The following ADGRF5 variants were observed in gnomAD, a reference collection of about 807,000 sequenced individuals.
ADGRF5 encodes adhesion G protein-coupled receptor F5.
ADGRF5 carries 75 observed loss-of-function variants against 132.3 expected under a neutral mutation model. The ratio of observed to expected loss-of-function variants is 0.57; its 90% CI spans 0.47 to 0.69. ADGRF5 has a LOEUF of 0.69. ADGRF5 is among the 30% of genes least tolerant of loss of function. The pLI, the probability that ADGRF5 is intolerant of heterozygous loss-of-function variation, is 0.00. For synonymous variants in ADGRF5, 629 were observed against 597.6 expected (o/e 1.05, Z -0.77); for missense variants, 1,516 against 1,630.6 (o/e 0.93, Z 1.21).
chr6:46,855,074 GATGATGGC>G lies in ADGRF5; in HGVS notation c.3961+892_3961+899del, dbSNP rs1768883392. 2.6e-5 allele frequency among the ~76,000 whole-genome samples: 4 copies of G among 152,316 alleles called. No individual in the cohort carries two copies. The South Asian group carries it at 8.3e-4, about 32-fold the overall frequency. The stretch of plus-strand genomic sequence containing the variant: ...GGGGCTTATTTTCCTGTGAGGAAGG[GATGATGGC>G]ATGGGGACAGGGGTTTCAATTTGCT... On this transcript the variant is annotated intron_variant, in intron 20 of 20. Coordinates refer to ENST00000283296, the MANE Select transcript of ADGRF5 (RefSeq NM_001098518.2).
intron 1 of ADGRF5, among the ~76,000 whole-genome samples, chr6:46,919,395 G>A (rs1031735753): frequency 3.3e-5 from 5 of 152,196 alleles, no homozygotes; most frequent in African/African-American, 1.2e-4. Context: ...CTGTGACATG[G>A]TGAAAGAAGA....
At chr6:46,874,939 C>T (rs1427532133) in intron 10 of ADGRF5, among the ~76,000 whole-genome samples, 1 of 152,188 alleles carries the variant, frequency 6.6e-6, no homozygotes, top group Non-Finnish European at 1.5e-5. Context: ...GATGCTGCTA[C>T]ATATCCTACA....
At chr6:46,893,805 C>T (rs904659286) in intron 3 of ADGRF5, among the ~76,000 whole-genome samples, 1 of 152,148 alleles carries the variant, frequency 6.6e-6, no homozygotes, top group South Asian at 2.1e-4. Context: ...CAGACAGAGG[C>T]CTATCAGCAG....
intron 1 of ADGRF5, among the ~76,000 whole-genome samples, chr6:46,917,794 T>C (rs1776556592): frequency 6.6e-6 from 1 of 152,164 alleles, no homozygotes; most frequent in African/African-American, 2.4e-5. Context: ...AAATACCTAA[T>C]GTAAATGAGG....
In ADGRF5 at chr6:46,858,859, A is replaced by G. The variant is rs755242088; in HGVS notation, c.3044T>C (p.Ile1015Thr). Residue 1015 changes from isoleucine (I) to threonine (T), a missense_variant, in exon 17 of 21, where the codon ATT (isoleucine) becomes ACT (threonine). Coordinates refer to ENST00000283296, the MANE Select transcript of ADGRF5 (RefSeq NM_001098518.2). ...GGAAAAGCCCACCCCAACATAAGAA[A>G]TAATATCCAGGAGTATTCCCAGGAG... ...SSLLGILLDIISYVGVGFSIL... is the reference protein window; with the variant it reads ...SSLLGILLDITSYVGVGFSIL... The G allele has an allele frequency of 2.5e-6, 4 of 1,613,990 alleles. No individual in the cohort carries two copies. The East Asian group carries it at 6.7e-5, about 27-fold the overall frequency.
intron 2 of ADGRF5, 126 bp from the exon 3 acceptor site, chr6:46,900,209 G>A: frequency 1.4e-6 from 1 of 714,796 alleles, no homozygotes; most frequent in Non-Finnish European, 2.5e-6. Context: ...TTAGCACCAT[G>A]TGTCCCGTGG....
rs761989404 is a variant in ADGRF5 at position 46,888,459 on chromosome 6, C to T, written c.204G>A (p.Glu68=). 3 of 1,613,206 alleles carry T rather than the reference C, an allele frequency of 1.9e-6. No individual in the cohort carries two copies. The East Asian group carries it at 6.7e-5, about 36-fold the overall frequency. ...PTAEEYTVNI[E]ISFENASFLD... Reference sequence around the variant, plus strand: ...GGAAGGATGCATTTTCAAAACTGATCTCAATATTAACAGTGTATTCTTCAG... The same window carrying T: ...GGAAGGATGCATTTTCAAAACTGATTTCAATATTAACAGTGTATTCTTCAG... Residue 68 remains glutamate, a synonymous_variant, in exon 4 of 21, where the codon GAG becomes GAA. Coordinates refer to ENST00000283296, the MANE Select transcript of ADGRF5 (RefSeq NM_001098518.2).
chr6:46,891,426 A>G (rs1773625384), intron 3 of ADGRF5, among the ~76,000 whole-genome samples: 1 of 152,240 alleles, frequency 6.6e-6, no homozygotes, highest in Admixed American at 6.5e-5. Flanking sequence ...CTGAAAAGTA[A>G]TGCAGCAACG....
chr6:46,902,601 G>A (rs953080986), intron 2 of ADGRF5, among the ~76,000 whole-genome samples: 3 of 152,192 alleles, frequency 2.0e-5, no homozygotes, highest in Admixed American at 6.5e-5. Flanking sequence ...CGCATCCATT[G>A]ACATGAGGCC....
At chr6:46,869,600 T>C (rs1377146015) in intron 11 of ADGRF5, among the ~76,000 whole-genome samples, 1 of 152,200 alleles carries the variant, frequency 6.6e-6, no homozygotes, top group Non-Finnish European at 1.5e-5. Flanking sequence ...ACCTGTAGCC[T>C]CTGTGTCTTT....
At chr6:46,867,875 T>G (rs575437113) in intron 12 of ADGRF5, among the ~76,000 whole-genome samples, 1 of 152,274 alleles carries the variant, frequency 6.6e-6, no homozygotes, top group East Asian at 1.9e-4. Context: ...TTTCAATAAC[T>G]GATTATGGGA....
upstream of ADGRF5, among the ~76,000 whole-genome samples, chr6:46,925,533 G>T (rs566088090): frequency 1.1e-4 from 17 of 148,260 alleles, no homozygotes; most frequent in South Asian, 3.7e-3. Flanking sequence ...AAGACAGGTG[G>T]ATTACTTGAG....
rs1299809471 is a variant in ADGRF5 at position 46,862,638 on chromosome 6, G to A, written c.2199+250C>T. 2.8e-5 allele frequency among the ~76,000 whole-genome samples: 4 copies of A among 142,506 alleles called. No individual in the cohort carries two copies. The East Asian group carries it at 8.6e-4, about 31-fold the overall frequency. The allele number at this position is 142,506 out of a possible 152,430, so 93.5% of individuals were successfully genotyped here. A position where few individuals can be genotyped will look rare whatever the true frequency, so the allele number is the denominator to read the frequency against. ...GAACACATGGTACTGAGAAGTCAAGGTTAAGGTATCTAGTCGGTCTGAGAG... is the reference window on the plus strand; with the variant it reads ...GAACACATGGTACTGAGAAGTCAAGATTAAGGTATCTAGTCGGTCTGAGAG... On this transcript the variant is annotated intron_variant, in intron 15 of 20. Coordinates refer to ENST00000283296, the MANE Select transcript of ADGRF5 (RefSeq NM_001098518.2).
rs904623494 is a variant in ADGRF5 at position 46,894,411 on chromosome 6, C to T, written c.157+5618G>A. On this transcript the variant is annotated intron_variant, in intron 3 of 20. Transcript: ENST00000283296. The stretch of plus-strand genomic sequence containing the variant: ...GAGGAGAAAGTGGGCAGCACTGTGT[C>T]ATCAAACACCAGACTGTGAAGTCTA... Among the ~76,000 whole-genome samples the T allele has an allele frequency of 2.8e-5, 4 of 144,754 alleles. No homozygotes were observed. The South Asian group carries it at 8.9e-4, about 32-fold the overall frequency. 95.0% of individuals were successfully genotyped at this position (144,754 alleles called of 152,430 possible).
chr6:46,901,109 G>A (rs893180088), intron 2 of ADGRF5, among the ~76,000 whole-genome samples: 39 of 152,162 alleles, frequency 2.6e-4, no homozygotes, highest in Non-Finnish European at 5.3e-4. Flanking sequence ...GCATCATGCT[G>A]CACCTGCCAC....
intron 13 of ADGRF5, 39 bp from the exon 14 acceptor site, chr6:46,865,236 G>A (rs1472717448): frequency 6.9e-7 from 1 of 1,447,858 alleles, no homozygotes; most frequent in Non-Finnish European, 9.7e-7. Context: ...GTCACAACAT[G>A]AGTCTCTAAT....
Position 46,913,969 on chromosome 6 carries a change from T to C in ADGRF5, c.-24-7183A>G, listed in dbSNP as rs529884886. 2.6e-5 allele frequency among the ~76,000 whole-genome samples: 4 copies of C among 152,308 alleles called. No homozygotes were observed. In the South Asian group the frequency reaches 8.3e-4, roughly 32 times the overall value. On this transcript the variant is annotated intron_variant, in intron 1 of 20. Coordinates refer to ENST00000283296, the MANE Select transcript of ADGRF5 (RefSeq NM_001098518.2). ...CATATACCCTAATGTCTCCCAAACC[T>C]TGTGTTCTGGGATACAGACTACGAT...
At chr6:46,939,115 C>A (rs1466078335) in intron 1 of ADGRF5, among the ~76,000 whole-genome samples, 2 of 152,194 alleles carry the variant, frequency 1.3e-5, no homozygotes, top group Non-Finnish European at 1.5e-5. Context: ...GTGATCCCCC[C>A]AGCCTGGGCC....
intron 20 of ADGRF5, chr6:46,854,636 C>A (rs1465867922): frequency 1.9e-5 from 15 of 774,826 alleles, no homozygotes; most frequent in Non-Finnish European, 2.7e-5. Flanking sequence ...GGCTTGTCTG[C>A]GGGGAGGTGG....
Sources: allele counts gnomAD v4.1 joint callset (sites outside exome capture counted in the v4.1 genomes callset), GRCh38; gene constraint gnomAD v4.1.1; transcripts MANE v1.5; gene names NCBI Gene and HGNC (gene_info 2026-07-23, HGNC 2026-07-21).